The following C1orf87 variants were observed in gnomAD, a reference collection of about 807,000 sequenced individuals.
The protein encoded by C1orf87 is uncharacterized protein C1orf87.
A neutral mutation model predicts 60.5 loss-of-function variants in C1orf87; 58 were observed. The observed-to-expected ratio is 0.96, with a 90% CI of 0.78 to 1.19. C1orf87 has a LOEUF of 1.19. Ranked by LOEUF, C1orf87 falls within the 50% of genes most tolerant of loss-of-function variation. The pLI is 0.00. For missense variants in C1orf87, 673 were observed against 638.6 expected, an observed-to-expected ratio of 1.05 and a Z score of -0.58; for synonymous variants, 236 against 227.4, an observed-to-expected ratio of 1.04 and a Z score of -0.34.
Position 60,040,024 on chromosome 1 carries a change from G to A in C1orf87, c.640C>T (p.Leu214Phe). The A allele has an allele frequency of 6.2e-7, 1 of 1,614,174 alleles. No homozygotes were observed. Among genetic ancestry groups the A allele is most frequent in the Non-Finnish European group, 8.5e-7 (1 of 1,180,016 alleles). Residue 214 changes from leucine to phenylalanine, a missense_variant, in exon 5 of 12, where the codon CTC becomes TTC. Coordinates refer to ENST00000371201, the MANE Select transcript of C1orf87 (RefSeq NM_152377.3). Reference sequence around the variant, plus strand: ...AAGAGGCGGCTCAGCTGAGATTGGAGAAGAAATCCTGAAGAGATTGGGTCC... The same window carrying A: ...AAGAGGCGGCTCAGCTGAGATTGGAAAAGAAATCCTGAAGAGATTGGGTCC... ...ILDPISSGFL[L>F]QSQLSRLFLK... is the part of the protein sequence containing the mutation.
chr1:60,064,489 A>G (rs931119826), intron 2 of C1orf87, among the ~76,000 whole-genome samples: 35 of 137,472 alleles, frequency 2.5e-4, no homozygotes, highest in African/African-American at 8.5e-4. Context: ...TGTCTAAAAG[A>G]ATGCACATAC....
intron 7 of C1orf87, among the ~76,000 whole-genome samples, chr1:60,029,631 C>A (rs1040725390): frequency 3.0e-5 from 4 of 132,660 alleles, no homozygotes; most frequent in African/African-American, 1.1e-4. Context: ...TCCCCTGTCC[C>A]CCCAAGTTTT....
In C1orf87 at chr1:60,001,117, G is replaced by A. The variant is rs566049767; in HGVS notation, c.1232C>T (p.Pro411Leu). ...EKKAPAPPME[P>L]EVPEMSQSKT... ...GCTTTGAGACATCTCGGGGACTTCA[G>A]GCTCCATTGGAGGGGCAGGGGCTTT... Residue 411 changes from proline (P) to leucine (L), a missense_variant, in exon 10 of 12, where the codon CCT becomes CTT. By Grantham distance (98) the Pro-to-Leu change is moderately conservative (BLOSUM62 -3). Coordinates refer to ENST00000371201, the MANE Select transcript of C1orf87 (RefSeq NM_152377.3). 3 of 1,605,376 alleles carry A rather than the reference G, an allele frequency of 1.9e-6. No homozygotes were observed. Among genetic ancestry groups the A allele is most frequent in the South Asian group, 2.2e-5 (2 of 90,286 alleles).
At chr1:60,044,969 G>A (rs751347777) in intron 3 of C1orf87, among the ~76,000 whole-genome samples, 1 of 152,160 alleles carries the variant, frequency 6.6e-6, no homozygotes, top group Admixed American at 6.5e-5. Flanking sequence ...TGACTCTTCT[G>A]GGGGTGTTGG....
intron 3 of C1orf87, among the ~76,000 whole-genome samples, chr1:60,044,769 T>C (rs941341299): frequency 2.0e-5 from 3 of 152,214 alleles, no homozygotes; most frequent in Non-Finnish European, 4.4e-5. Context: ...GTTTCTGACC[T>C]TGGGATTTGT....
chr1:60,044,034 CTGTT>C (rs889703837), intron 3 of C1orf87, among the ~76,000 whole-genome samples: 3 of 152,048 alleles, frequency 2.0e-5, no homozygotes, highest in African/African-American at 4.8e-5. Flanking sequence ...TGTTTGTTTT[CTGTT>C]TGTTTGTTTG....
intron 2 of C1orf87, among the ~76,000 whole-genome samples, chr1:60,061,066 C>T (rs1645493339): frequency 6.6e-6 from 1 of 152,182 alleles, no homozygotes; most frequent in Admixed American, 6.5e-5. Flanking sequence ...TGAGAGGATG[C>T]AGCATAAACA....
chr1:60,045,427 T>G (rs771496106), intron 3 of C1orf87, among the ~76,000 whole-genome samples: 9 of 152,194 alleles, frequency 5.9e-5, no homozygotes, highest in African/African-American at 1.9e-4. Flanking sequence ...CATTTGACTA[T>G]TTTACTCATA....
chr1:60,042,034 T>A (rs1037205761), intron 3 of C1orf87, among the ~76,000 whole-genome samples: 6 of 152,158 alleles, frequency 3.9e-5, no homozygotes, highest in Non-Finnish European at 4.4e-5. Flanking sequence ...TGGCTTGCGC[T>A]TTTCTCTCCT....
At chr1:60,042,444 GTTGAA>G (rs1574317287) in intron 3 of C1orf87, among the ~76,000 whole-genome samples, 1 of 152,162 alleles carries the variant, frequency 6.6e-6, no homozygotes, top group East Asian at 1.9e-4. Flanking sequence ...TGACAGTCAT[GTTGAA>G]TAACCTATCA....
intron 3 of C1orf87, 125 bp downstream of exon 3, chr1:60,055,079 A>T (rs1645442983): frequency 1.1e-6 from 1 of 887,338 alleles, no homozygotes; most frequent in Non-Finnish European, 1.8e-6. Context: ...ATTGATTCTT[A>T]CTTCTATCTC....
At chr1:60,014,745 AACAGTATGT>A (rs1645113729) in intron 8 of C1orf87, among the ~76,000 whole-genome samples, 1 of 152,144 alleles carries the variant, frequency 6.6e-6, no homozygotes, top group African/African-American at 2.4e-5. Context: ...AGCCATAATG[AACAGTATGT>A]ACAGTATGTA....
intron 7 of C1orf87, among the ~76,000 whole-genome samples, chr1:60,029,971 T>C (rs1244547653): frequency 6.6e-6 from 1 of 152,132 alleles, no homozygotes; most frequent in Non-Finnish European, 1.5e-5. Context: ...CAAACTTGCC[T>C]GTCCTCTAAG....
intron 3 of C1orf87, among the ~76,000 whole-genome samples, chr1:60,047,562 C>T (rs1268204812): frequency 1.3e-5 from 2 of 152,120 alleles, no homozygotes; most frequent in African/African-American, 2.4e-5. Flanking sequence ...CTCATTGCTT[C>T]GGGCCTAGTC....
chr1:59,993,557 T>C (rs1644940856), intron 11 of C1orf87, among the ~76,000 whole-genome samples: 1 of 152,132 alleles, frequency 6.6e-6, no homozygotes, highest in African/African-American at 2.4e-5. Flanking sequence ...TAGTATTTTC[T>C]ATCTTCTAAG....
At chr1:60,046,376 TTC>T (rs1276739164) in intron 3 of C1orf87, among the ~76,000 whole-genome samples, 1 of 141,088 alleles carries the variant, frequency 7.1e-6, no homozygotes, top group Non-Finnish European at 1.6e-5. Flanking sequence ...CTTTCTCTTT[TTC>T]TTTCTTTCTT....
At position 60,049,735 on chromosome 1, in the gene C1orf87, C is replaced by T. The variant is rs77528674; in HGVS notation, c.342+5469G>A. Among the ~76,000 whole-genome samples the T allele has an allele frequency of 4.6e-3, 695 of 152,178 alleles. 4 individuals are homozygous for T. Among genetic ancestry groups the T allele is most frequent in the African/African-American group, 0.016 (658 of 41,550 alleles). On this transcript the variant is annotated intron_variant, in intron 3 of 11. Transcript: ENST00000371201. The stretch of plus-strand genomic sequence containing the variant: ...ATTTGTATATGTTTATTTCTTTACA[C>T]TTAAACCTTTGATGTATTTGGAATA...
intron 2 of C1orf87, among the ~76,000 whole-genome samples, chr1:60,062,234 A>G (rs1009019006): frequency 6.6e-6 from 1 of 152,164 alleles, no homozygotes; most frequent in African/African-American, 2.4e-5. Context: ...TAATCTCAGC[A>G]TACATCTTTG....
At chr1:60,008,331 TC>T (rs1645060301) in intron 9 of C1orf87, among the ~76,000 whole-genome samples, 2 of 152,086 alleles carry the variant, frequency 1.3e-5, no homozygotes, top group South Asian at 4.1e-4. Flanking sequence ...AAAATAAGTG[TC>T]CCAATATAAG....
Sources: gnomAD v4.1 joint callset for allele counts (sites outside exome capture counted in the v4.1 genomes callset) on GRCh38, gnomAD v4.1.1 for gene constraint, MANE v1.5 for transcripts, NCBI Gene and HGNC (gene_info 2026-07-23, HGNC 2026-07-21) for gene names.